Variants in TMTC1 observed in about 807,000 individuals in gnomAD.
The protein encoded by TMTC1 is protein O-mannosyl-transferase TMTC1.
TMTC1 carries 73 observed loss-of-function variants against 104.8 expected under a neutral mutation model. The ratio of observed to expected loss-of-function variants is 0.70; its 90% CI spans 0.58 to 0.85. The LOEUF (loss-of-function observed/expected upper bound fraction) is 0.85. TMTC1 is among the 40% of genes least tolerant of loss of function. The pLI is 0.00. For synonymous variants in TMTC1, 434 were observed against 428.7 expected (o/e 1.01, Z -0.15); for missense variants, 1,035 against 1,096.1 (o/e 0.94, Z 0.79).
intron 9 of TMTC1, among the ~76,000 whole-genome samples, chr12:29,570,879 A>ACCCCC (rs1491187527): frequency 2.5e-5 from 3 of 120,396 alleles, no homozygotes; most frequent in African/African-American, 3.4e-5. Flanking sequence ...AAAAACAGAA[A>ACCCCC]CACCCCCCCC....
chr12:29,706,432 T>C (rs1403853259), intron 5 of TMTC1, among the ~76,000 whole-genome samples: 7 of 152,204 alleles, frequency 4.6e-5, no homozygotes, highest in Non-Finnish European at 7.3e-5. Flanking sequence ...GCACGCTCAT[T>C]TTATCTTTGA....
At chr12:29,660,971 G>T in intron 5 of TMTC1, 1 of 670,366 alleles carries the variant, frequency 1.5e-6, no homozygotes, top group South Asian at 3.8e-5. Flanking sequence ...CTGCAGCTCT[G>T]AAGAAGGCTG....
At chr12:29,772,345 T>A (rs778249010) in intron 1 of TMTC1, among the ~76,000 whole-genome samples, 2 of 152,174 alleles carry the variant, frequency 1.3e-5, no homozygotes, top group Non-Finnish European at 2.9e-5. Context: ...CATTCATTTA[T>A]CATTATGCAC....
chr12:29,717,981 C>T (rs969970683), intron 5 of TMTC1, among the ~76,000 whole-genome samples: 2 of 152,032 alleles, frequency 1.3e-5, no homozygotes, highest in South Asian at 2.1e-4. Flanking sequence ...TAAATGAAAC[C>T]ACTCAAAATA....
At chr12:29,597,239 TTTC>T (rs1446145981) in intron 7 of TMTC1, among the ~76,000 whole-genome samples, 23 of 137,716 alleles carry the variant, frequency 1.7e-4, no homozygotes, top group South Asian at 2.2e-4. Flanking sequence ...CTTTCTTTTC[TTTC>T]TTTTTTTTTT....
At chr12:29,734,761 C>CT (rs1942629397) in intron 5 of TMTC1, among the ~76,000 whole-genome samples, 1 of 152,098 alleles carries the variant, frequency 6.6e-6, no homozygotes, top group African/African-American at 2.4e-5. Context: ...TTATTTTCTT[C>CT]TTTTCCTTTT....
chr12:29,563,173 A>G (rs535881123), intron 9 of TMTC1, among the ~76,000 whole-genome samples: 3 of 152,202 alleles, frequency 2.0e-5, no homozygotes, highest in Non-Finnish European at 4.4e-5. Context: ...ATCCTTCATC[A>G]TCTGAAGCAA....
chr12:29,524,507 T>A (rs1944279742), intron 11 of TMTC1, among the ~76,000 whole-genome samples: 1 of 152,212 alleles, frequency 6.6e-6, no homozygotes, highest in African/African-American at 2.4e-5. Context: ...GACTTTTGTG[T>A]AATCAGTCTT....
chr12:29,671,755 G>A (rs2136682457), intron 5 of TMTC1, among the ~76,000 whole-genome samples: 1 of 152,292 alleles, frequency 6.6e-6, no homozygotes, highest in Non-Finnish European at 1.5e-5. Context: ...TTTTACACTT[G>A]CTGCACTACC....
At chr12:29,712,837 GTGA>G (rs1159001914) in intron 5 of TMTC1, among the ~76,000 whole-genome samples, 4 of 152,150 alleles carry the variant, frequency 2.6e-5, no homozygotes, top group Admixed American at 2.6e-4. Context: ...AAGCTTATTG[GTGA>G]TGTCGAATCT....
At chr12:29,672,351 G>T (rs1940550463) in intron 5 of TMTC1, among the ~76,000 whole-genome samples, 1 of 152,190 alleles carries the variant, frequency 6.6e-6, no homozygotes, top group South Asian at 2.1e-4. Flanking sequence ...CAGTACCCAG[G>T]ACACTGATGG....
intron 5 of TMTC1, among the ~76,000 whole-genome samples, chr12:29,683,845 AT>A (rs57599919): frequency 0.099 from 13,978 of 140,692 alleles, 841 homozygotes; most frequent in South Asian, 0.19. Context: ...ATTTCCTATC[AT>A]TTTTTTTTTT....
intron 5 of TMTC1, among the ~76,000 whole-genome samples, chr12:29,681,115 AAAAG>A (rs1940904117): frequency 6.8e-6 from 1 of 146,922 alleles, no homozygotes; most frequent in Non-Finnish European, 1.5e-5. Flanking sequence ...AAAAAAAAAA[AAAAG>A]AAACAAGATG....
intron 7 of TMTC1, among the ~76,000 whole-genome samples, chr12:29,594,337 T>C (rs1210618881): frequency 1.3e-5 from 2 of 152,240 alleles, no homozygotes; most frequent in South Asian, 2.1e-4. Context: ...GGTAATCCAC[T>C]ATTTGTTGCT....
At chr12:29,771,071 C>T (rs1255571408) in intron 1 of TMTC1, among the ~76,000 whole-genome samples, 2 of 152,160 alleles carry the variant, frequency 1.3e-5, no homozygotes, top group African/African-American at 4.8e-5. Flanking sequence ...GGACTGAGAT[C>T]TCCAGTGTAT....
chr12:29,630,451 C>T (rs944894253), intron 6 of TMTC1, among the ~76,000 whole-genome samples: 3 of 152,134 alleles, frequency 2.0e-5, no homozygotes, highest in African/African-American at 7.2e-5. Context: ...GAGTCAATTA[C>T]CTCTCATGGG....
intron 5 of TMTC1, among the ~76,000 whole-genome samples, chr12:29,716,997 G>C (rs1434202539): frequency 1.3e-5 from 2 of 152,030 alleles, no homozygotes; most frequent in Non-Finnish European, 2.9e-5. Context: ...ACTCCAGCCT[G>C]GGCAACAGAG....
chr12:29,617,109 CA>C (rs1437419328), intron 6 of TMTC1, among the ~76,000 whole-genome samples: 3 of 151,838 alleles, frequency 2.0e-5, no homozygotes, highest in African/African-American at 7.3e-5. Flanking sequence ...CTGCTTGTTT[CA>C]AAAAACTTTG....
chr12:29,767,869 T>C, intron 2 of TMTC1, 29 bp downstream of exon 2: 1 of 1,609,542 alleles, frequency 6.2e-7, no homozygotes, highest in Non-Finnish European at 8.5e-7. Flanking sequence ...TTCATATTCG[T>C]TATTTCACTG....
Sources: gnomAD v4.1 joint callset for allele counts (sites outside exome capture counted in the v4.1 genomes callset) on GRCh38, gnomAD v4.1.1 for gene constraint, MANE v1.5 for transcripts, NCBI Gene and HGNC (gene_info 2026-07-23, HGNC 2026-07-21) for gene names.